PDE1C: variants seen among roughly 807,000 people sequenced by gnomAD.
The protein encoded by PDE1C is phosphodiesterase 1C.
PDE1C carries 62 observed loss-of-function variants against 93.1 expected under a neutral mutation model. That is an observed-to-expected ratio of 0.67 (90% CI 0.54 to 0.82). The LOEUF (loss-of-function observed/expected upper bound fraction) is 0.82, where lower values mean the gene tolerates loss of function less well. Ranked by LOEUF, PDE1C falls within the 40% of genes least tolerant of loss-of-function variation. The probability of loss-of-function intolerance (pLI) is 0.00; values close to 1 mark genes in which losing one functional copy is unlikely to be tolerated. For missense variants in PDE1C, 742 were observed against 884.6 expected (o/e 0.84, Z 2.04); for synonymous variants, 325 against 310.1 (o/e 1.05, Z -0.50).
intron 2 of PDE1C, among the ~76,000 whole-genome samples, chr7:31,978,022 T>C (rs1372968619): frequency 5.3e-5 from 8 of 152,154 alleles, no homozygotes; most frequent in Admixed American, 5.2e-4. Context: ...CGCTAAGATA[T>C]AAATAAGTGA....
intron 8 of PDE1C, among the ~76,000 whole-genome samples, chr7:31,848,468 T>C (rs938346244): frequency 6.6e-6 from 1 of 152,172 alleles, no homozygotes; most frequent in Non-Finnish European, 1.5e-5. Context: ...TTTTATTCAA[T>C]GAATGCACTG....
At chr7:32,082,312 G>A (rs1796730893) in intron 3 of PDE1C, among the ~76,000 whole-genome samples, 1 of 152,344 alleles carries the variant, frequency 6.6e-6, no homozygotes, top group Non-Finnish European at 1.5e-5. Context: ...GCTGGGGGAG[G>A]GGCGCCCGCC....
intron 3 of PDE1C, among the ~76,000 whole-genome samples, chr7:32,146,853 T>C (rs1459770335): frequency 1.3e-5 from 2 of 152,198 alleles, no homozygotes; most frequent in African/African-American, 2.4e-5. Flanking sequence ...CAGGGATTCA[T>C]AACCAAGGGA....
At chr7:32,199,710 G>A (rs908586840) in intron 2 of PDE1C, among the ~76,000 whole-genome samples, 2 of 151,664 alleles carry the variant, frequency 1.3e-5, no homozygotes, top group African/African-American at 4.8e-5. Context: ...TATATCTTCT[G>A]TCATTTTTAA....
At chr7:32,374,417 G>A (rs1176435576) in intron 1 of PDE1C, among the ~76,000 whole-genome samples, 1 of 152,228 alleles carries the variant, frequency 6.6e-6, no homozygotes, top group Admixed American at 6.5e-5. Context: ...TCCAGGGCTA[G>A]AGAAAAGGCA....
At chr7:32,339,837 G>C (rs1220471429) in intron 1 of PDE1C, among the ~76,000 whole-genome samples, 4 of 151,584 alleles carry the variant, frequency 2.6e-5, no homozygotes. Context: ...TGTTTGTAGA[G>C]AACTGTGGTA....
At chr7:31,801,432 C>T (rs1053808298) in intron 16 of PDE1C, among the ~76,000 whole-genome samples, 1 of 151,414 alleles carries the variant, frequency 6.6e-6, no homozygotes, top group Non-Finnish European at 1.5e-5. Context: ...AGAATATAGT[C>T]TATCTTTTTA....
intron 3 of PDE1C, among the ~76,000 whole-genome samples, chr7:32,105,596 A>G (rs1430048225): frequency 1.3e-5 from 2 of 152,150 alleles, no homozygotes; most frequent in African/African-American, 4.8e-5. Flanking sequence ...ATGTTGGCAG[A>G]TAAGCGTCCA....
At chr7:32,265,601 A>G (rs1029398582) in intron 1 of PDE1C, among the ~76,000 whole-genome samples, 1 of 152,248 alleles carries the variant, frequency 6.6e-6, no homozygotes, top group Admixed American at 6.5e-5. Flanking sequence ...AAATCCAACT[A>G]TGCCAAAGCT....
chr7:32,189,164 CTT>C (rs1459713076), intron 2 of PDE1C, among the ~76,000 whole-genome samples: 2 of 152,132 alleles, frequency 1.3e-5, no homozygotes, highest in Non-Finnish European at 2.9e-5. Flanking sequence ...CTCCATTACT[CTT>C]TGTCATACAT....
In PDE1C at chr7:31,873,293, T is replaced by A. The variant is rs1213792300; in HGVS notation, c.608A>T (p.Lys203Met). ...TTTTCTTTTTAAAGAGGTACTGACC[T>A]TGAAACGGCTGATCAGATCATAACG... is the stretch of plus-strand genomic sequence containing the variant. ...LTRYDLISRF[K>M]IPISALVSFV... The change falls in exon 6 of 18, where the codon AAG becomes ATG. Residue 203 changes from lysine (K) to methionine (M), a missense_variant and splice_region_variant. Physicochemically the swap from Lys to Met is moderately conservative, Grantham distance 95 (BLOSUM62 -1). Around this residue, in one of 4 missense-constraint regions of PDE1C, gnomAD observed 205 missense variants for 295.3 expected, o/e 0.69. Transcript: ENST00000396191. 1 of 1,589,484 alleles carries A rather than the reference T, an allele frequency of 6.3e-7. No individual in the cohort carries two copies. The highest frequency in any genetic ancestry group is 1.7e-5 in the Admixed American group (1 of 59,576).
At chr7:32,358,793 A>G (rs1784078046) in intron 1 of PDE1C, among the ~76,000 whole-genome samples, 1 of 152,114 alleles carries the variant, frequency 6.6e-6, no homozygotes, top group South Asian at 2.1e-4. Flanking sequence ...GGCAAATAGC[A>G]AAGTGGGGAT....
At chr7:32,267,718 A>G (rs1304732243) in intron 1 of PDE1C, among the ~76,000 whole-genome samples, 3 of 151,866 alleles carry the variant, frequency 2.0e-5, no homozygotes, top group Admixed American at 1.3e-4. Context: ...GAACATCACA[A>G]TGAGATGAAA....
intron 1 of PDE1C, among the ~76,000 whole-genome samples, chr7:32,420,116 TATATATATACAC>T (rs1172701868): frequency 3.4e-5 from 1 of 29,588 alleles, no homozygotes; most frequent in African/African-American, 1.1e-4. Flanking sequence ...TATATATATA[TATATATATACAC>T]ACACACACAC....
intron 2 of PDE1C, among the ~76,000 whole-genome samples, chr7:32,206,880 T>C (rs758296923): frequency 2.4e-4 from 37 of 152,204 alleles, no homozygotes; most frequent in Admixed American, 2.6e-4. Flanking sequence ...CAGTCTCAAC[T>C]CTTCACTGTC....
chr7:32,410,196 G>T (rs1384871217), intron 1 of PDE1C, among the ~76,000 whole-genome samples: 2 of 152,074 alleles, frequency 1.3e-5, no homozygotes, highest in African/African-American at 4.8e-5. Flanking sequence ...GGGTGGGCGT[G>T]GTGACACACA....
chr7:31,764,713 C>G (rs10255824), intron 17 of PDE1C, among the ~76,000 whole-genome samples: 4,181 of 152,280 alleles, frequency 0.027, 106 homozygotes, highest in Non-Finnish European at 0.04. Context: ...TTCTTTGTGC[C>G]TTATTCCATA....
chr7:31,770,552 C>T (rs1460480286), intron 17 of PDE1C, among the ~76,000 whole-genome samples: 1 of 152,044 alleles, frequency 6.6e-6, no homozygotes, highest in Admixed American at 6.6e-5. Flanking sequence ...CGCTCTGTTG[C>T]CCAGGCTGGG....
chr7:32,226,316 T>C (rs546488132), intron 1 of PDE1C, among the ~76,000 whole-genome samples: 1 of 152,256 alleles, frequency 6.6e-6, no homozygotes, highest in South Asian at 2.1e-4. Flanking sequence ...AGAAACTAAA[T>C]GAACTAACAT....
Sources: allele counts gnomAD v4.1 joint callset (sites outside exome capture counted in the v4.1 genomes callset), GRCh38; gene constraint gnomAD v4.1.1; regional missense constraint gnomAD v4.1.1; transcripts MANE v1.5; gene names NCBI Gene and HGNC (gene_info 2026-07-23, HGNC 2026-07-21).